Variants in DPH7 observed in about 807,000 individuals in gnomAD.
The protein encoded by DPH7 is diphthine methyltransferase.
Under a neutral mutation model 41.7 loss-of-function variants are expected in DPH7, and 44 were observed. The observed-to-expected ratio is 1.05, with a 90% CI of 0.83 to 1.36. The LOEUF (loss-of-function observed/expected upper bound fraction) is 1.36. Among genes scored for constraint, DPH7 ranks in the 40% most tolerant of loss-of-function variants. DPH7 has a pLI of 0.00. For missense variants in DPH7, 629 were observed against 577.5 expected (o/e 1.09, Z -0.91); for synonymous variants, 275 against 238.0 (o/e 1.16, Z -1.43).
chr9:137,578,497 G>T (rs1799977844), intron 1 of DPH7, 128 bp downstream of exon 1: 3 of 1,132,094 alleles, frequency 2.6e-6, no homozygotes, highest in Non-Finnish European at 3.5e-6. Context: ...ATTCTAAACT[G>T]TTTCCAGCCT....
chr9:137,573,923 G>A (rs60351056), intron 5 of DPH7, among the ~76,000 whole-genome samples: 249 of 152,166 alleles, frequency 1.6e-3, no homozygotes, highest in Non-Finnish European at 2.5e-3. Context: ...AAAATTAGCT[G>A]GGTGTGGTGG....
Position 137,564,903 on chromosome 9 carries a change from C to T in DPH7, c.766G>A (p.Ala256Thr). ...QSSPHREHILATGSYDEHILL... is the reference protein window; with the variant it reads ...QSSPHREHILTTGSYDEHILL... ...CTCCTGGGGACTCACCTTCCCGTGG[C>T]CAGGATGTGCTCCCGATGAGGGCTG... Residue 256 changes from alanine to threonine, a missense_variant, in exon 7 of 9, where the codon GCC becomes ACC. By Grantham distance (58) the Ala-to-Thr change is moderately conservative (BLOSUM62 0). Coordinates refer to ENST00000277540, the MANE Select transcript of DPH7 (RefSeq NM_138778.5). 1.3e-6 allele frequency: 2 copies of T among 1,595,888 alleles called. No individual in the cohort carries two copies. Among genetic ancestry groups the T allele is most frequent in the South Asian group, 1.1e-5 (1 of 88,848 alleles).
At chr9:137,572,976 T>C (rs964977579) in intron 5 of DPH7, among the ~76,000 whole-genome samples, 10 of 152,296 alleles carry the variant, frequency 6.6e-5, no homozygotes, top group Admixed American at 2.0e-4. Flanking sequence ...GGAGGCAGGA[T>C]GGCTCTGCCC....
At chr9:137,578,547 T>C in intron 1 of DPH7, 78 bp downstream of exon 1, 2 of 1,372,368 alleles carry the variant, frequency 1.5e-6, no homozygotes, top group Non-Finnish European at 1.9e-6. Context: ...CTTCATCTCC[T>C]GGGCGATTCG....
chr9:137,557,727 G>A (rs1367800061), intron 8 of DPH7, among the ~76,000 whole-genome samples: 1 of 151,894 alleles, frequency 6.6e-6, no homozygotes, highest in Non-Finnish European at 1.5e-5. Flanking sequence ...CCTGAGGCAG[G>A]AGAATCCCCT....
intron 8 of DPH7, 75 bp from the exon 9 acceptor site, chr9:137,555,723 G>GGTT: frequency 2.0e-6 from 3 of 1,479,580 alleles, no homozygotes; most frequent in Non-Finnish European, 1.8e-6. Context: ...ACACCTGACA[G>GGTT]GGAGACTCCA....
chr9:137,556,681 C>A lies in DPH7; in HGVS notation c.950-1033G>T. 1 of 372,354 alleles carries A rather than the reference C, an allele frequency of 2.7e-6. No homozygotes were observed. Among genetic ancestry groups the A allele is most frequent in the Non-Finnish European group, 5.3e-6 (1 of 187,072 alleles). The allele number at this position is 372,354 out of a possible 1,614,324, so 23.1% of individuals were successfully genotyped here. A position where few individuals can be genotyped will look rare whatever the true frequency, so the allele number is the denominator to read the frequency against. On this transcript the variant is annotated intron_variant, in intron 8 of 8. Transcript: ENST00000277540. This position sits in a 1 kb window ranked among gnomAD's most constrained non-coding sequence, Gnocchi z 5.2. ...CTCGAGCAGCATGTGTGGGGCGACC[C>A]TCGGGAGGAAGCCCCTGGGGAGGCC...
rs1837162108 is a variant in DPH7 at position 137,554,636 on chromosome 9, T to G, written c.*603A>C. Among the ~76,000 whole-genome samples the G allele has an allele frequency of 6.6e-6, 1 of 151,974 alleles. No homozygotes were observed. ...TTTACTTTTTATAGAGACTGGGTTT[T>G]GCTATGTTGCCCAGGCTGGTCTTGA... On this transcript the variant is annotated 3_prime_UTR_variant, in exon 9 of 9. Transcript: ENST00000277540.
chr9:137,577,577 C>G lies in DPH7; in HGVS notation c.180G>C (p.Gln60His), dbSNP rs1359691365. 1 of 1,613,942 alleles carries G rather than the reference C, an allele frequency of 6.2e-7. No homozygotes were observed. Among genetic ancestry groups the G allele is most frequent in the Non-Finnish European group, 8.5e-7 (1 of 1,179,924 alleles). Reference protein sequence around the residue: ...NKGGMEVKEPQVRLGRLFLYS... With the variant: ...NKGGMEVKEPHVRLGRLFLYS... ...ACAGGAAGAGACGGCCTAAACGGAC[C>G]TGAGGCTCCTTAACTTCCATTCCAC... The change falls in exon 2 of 9, where the codon CAG (glutamine) becomes CAC (histidine). Residue 60 changes from glutamine (Q) to histidine (H), a missense_variant. By Grantham distance (24) the Gln-to-His change is conservative. Transcript: ENST00000277540.
rs767595611 is a variant in DPH7 at position 137,577,556 on chromosome 9, G to A, written c.201C>T (p.Phe67=). 1 of 1,614,048 alleles carries A rather than the reference G, an allele frequency of 6.2e-7. No individual in the cohort carries two copies. The highest frequency in any genetic ancestry group is 8.5e-7 in the Non-Finnish European group (1 of 1,179,996). ...AGTTGTTGTCATTGAAACTGTACAG[G>A]AAGAGACGGCCTAAACGGACCTGAG... The part of the protein sequence containing the change: ...KEPQVRLGRL[F]LYSFNDNNSI... Residue 67 remains phenylalanine, a synonymous_variant, in exon 2 of 9, where the codon TTC becomes TTT. Coordinates refer to ENST00000277540, the MANE Select transcript of DPH7 (RefSeq NM_138778.5).
intron 1 of DPH7, chr9:137,577,991 C>T (rs1362336316): frequency 1.0e-6 from 1 of 985,130 alleles, no homozygotes; most frequent in East Asian, 1.1e-4. Context: ...TCCCTTGGGC[C>T]ACACCTGTAT....
At chr9:137,578,100 C>G in intron 1 of DPH7, 1 of 536,362 alleles carries the variant, frequency 1.9e-6, no homozygotes, top group East Asian at 1.5e-4. Context: ...GGAGGATGCC[C>G]TGAGCCCTGG....
intron 8 of DPH7, among the ~76,000 whole-genome samples, chr9:137,558,113 G>C (rs940141653): frequency 2.0e-5 from 3 of 152,262 alleles, no homozygotes; most frequent in Non-Finnish European, 4.4e-5. Flanking sequence ...TCCAGCCTGG[G>C]AGACAGAGCA....
chr9:137,577,485 A>T lies in DPH7; in HGVS notation c.272T>A (p.Ile91Asn). ...ACAGTTATACCATTTCATGTCCAGG[A>T]TTGCAGAAGTATCTTTTCTTTGGAC... is the stretch of plus-strand genomic sequence containing the variant. ...VEVQRKDTSA[I>N]LDMKWCHIPV... is the part of the protein sequence containing the mutation. The change falls in exon 2 of 9, where the codon ATC becomes AAC. Residue 91 changes from isoleucine (I) to asparagine (N), a missense_variant. Physicochemically the swap from Ile to Asn is moderately radical, Grantham distance 149. Transcript: ENST00000277540. 6.2e-7 allele frequency: 1 copy of T among 1,614,082 alleles called. No individual in the cohort carries two copies. Among genetic ancestry groups the T allele is most frequent in the Non-Finnish European group, 8.5e-7 (1 of 1,179,978 alleles).
In DPH7 at chr9:137,555,775, C is replaced by T. The variant is rs1359411406; in HGVS notation, c.950-127G>A. 7 of 1,109,556 alleles carry T rather than the reference C, an allele frequency of 6.3e-6. No individual in the cohort carries two copies. The African/African-American group carries it at 6.3e-5, about 10-fold the overall frequency. The allele number at this position is 1,109,556 out of a possible 1,614,324, so 68.7% of individuals were successfully genotyped here. The stretch of plus-strand genomic sequence containing the variant: ...GGTCAGCAAGTGTTTCCTGAGGAGC[C>T]GTTGTGTCATGCAAAGGAACCAGCA... On this transcript the variant is annotated intron_variant, in intron 8 of 8. Transcript: ENST00000277540.
intron 3 of DPH7, chr9:137,575,760 T>C: frequency 1.7e-5 from 20 of 1,143,862 alleles, no homozygotes; most frequent in Non-Finnish European, 2.2e-5. Context: ...GGATGCTCAC[T>C]GCTACTCTGG....
intron 8 of DPH7, 67 bp from the exon 9 acceptor site, chr9:137,555,715 A>C (rs942025985): frequency 5.4e-6 from 8 of 1,482,284 alleles, no homozygotes; most frequent in Non-Finnish European, 7.2e-6. Context: ...AACCTGTCAC[A>C]CCTGACAGGG....
At chr9:137,564,675 G>A (rs1839254377) in intron 7 of DPH7, 69 bp from the exon 8 acceptor site, 3 of 1,568,672 alleles carry the variant, frequency 1.9e-6, no homozygotes, top group South Asian at 1.2e-5. Context: ...AGGCCCCTGG[G>A]GGGCACAGAA....
chr9:137,561,585 C>T (rs1051089750), intron 8 of DPH7, among the ~76,000 whole-genome samples: 1 of 146,420 alleles, frequency 6.8e-6, no homozygotes, highest in East Asian at 2.0e-4. Context: ...ACCAAAGACT[C>T]GCCTCAGACT....
Sources: allele counts gnomAD v4.1 joint callset (sites outside exome capture counted in the v4.1 genomes callset), GRCh38; gene constraint gnomAD v4.1.1; non-coding constraint Gnocchi (gnomAD v3.1); transcripts MANE v1.5; gene names NCBI Gene and HGNC (gene_info 2026-07-23, HGNC 2026-07-21).